Variants in VSTM4 observed in about 807,000 individuals in gnomAD.
VSTM4 encodes the protein V-set and transmembrane domain-containing protein 4.
VSTM4 carries 20 observed loss-of-function variants against 36.4 expected under a neutral mutation model. That is an observed-to-expected ratio of 0.55 (90% CI 0.39 to 0.80). The LOEUF is 0.80. Among genes scored for constraint, VSTM4 ranks in the 30% least tolerant of loss-of-function variants. The pLI is 0.00. For synonymous variants in VSTM4, 182 were observed against 173.9 expected, an observed-to-expected ratio of 1.05 and a Z score of -0.37; for missense variants, 392 against 404.5, an observed-to-expected ratio of 0.97 and a Z score of 0.26.
At chr10:49,022,142 CATTA>C (rs1419338545) in intron 7 of VSTM4, among the ~76,000 whole-genome samples, 4 of 151,660 alleles carry the variant, frequency 2.6e-5, no homozygotes, top group Non-Finnish European at 1.5e-5. Context: ...TTTAACAATG[CATTA>C]ATTAATTTTA....
chr10:49,089,315 A>AC (rs997817598), intron 2 of VSTM4, among the ~76,000 whole-genome samples: 1 of 151,960 alleles, frequency 6.6e-6, no homozygotes, highest in African/African-American at 2.4e-5. Flanking sequence ...TCTAACCTCC[A>AC]CCCCCGCCAA....
At chr10:49,023,581 C>CG (rs775497789) in intron 7 of VSTM4, among the ~76,000 whole-genome samples, 7 of 152,194 alleles carry the variant, frequency 4.6e-5, no homozygotes, top group Non-Finnish European at 8.8e-5. Context: ...CACAGCCTGA[C>CG]GAGGAGCCTG....
At chr10:49,108,284 G>A (rs1001144032) in intron 1 of VSTM4, among the ~76,000 whole-genome samples, 5 of 152,214 alleles carry the variant, frequency 3.3e-5, no homozygotes, top group Non-Finnish European at 5.9e-5. Context: ...AGTTGCTGAC[G>A]TTTAAAATTC....
intron 1 of VSTM4, among the ~76,000 whole-genome samples, chr10:49,113,901 G>C (rs1216374563): frequency 1.3e-5 from 2 of 152,180 alleles, no homozygotes; most frequent in African/African-American, 2.4e-5. Context: ...GGCACAGCCA[G>C]GGCAGACTCT....
intron 7 of VSTM4, among the ~76,000 whole-genome samples, chr10:49,023,125 C>A (rs553825745): frequency 1.3e-5 from 2 of 152,210 alleles, no homozygotes; most frequent in Non-Finnish European, 2.9e-5. Context: ...TGTGTAGAAT[C>A]ATTTCCCTTA....
intron 2 of VSTM4, among the ~76,000 whole-genome samples, chr10:49,091,831 C>T (rs1390552886): frequency 6.6e-6 from 1 of 152,226 alleles, no homozygotes; most frequent in Non-Finnish European, 1.5e-5. Context: ...CCCCTAATTC[C>T]TTTAACAAAG....
intron 7 of VSTM4, among the ~76,000 whole-genome samples, chr10:49,025,348 A>C (rs1843243974): frequency 6.6e-6 from 1 of 152,052 alleles, no homozygotes; most frequent in South Asian, 2.1e-4. Flanking sequence ...AGAATATACG[A>C]GATTAAGGCA....
At chr10:49,093,783 C>T (rs1053502836) in intron 2 of VSTM4, among the ~76,000 whole-genome samples, 9 of 117,018 alleles carry the variant, frequency 7.7e-5, no homozygotes, top group African/African-American at 2.0e-4. Flanking sequence ...AGTCTTGCTT[C>T]GTCGCCCAGG....
At chr10:49,044,080 C>T (rs949804838) in intron 7 of VSTM4, among the ~76,000 whole-genome samples, 5 of 152,184 alleles carry the variant, frequency 3.3e-5, no homozygotes, top group African/African-American at 1.2e-4. Flanking sequence ...GTAATCCCAA[C>T]ACTTTTGGAC....
intron 2 of VSTM4, 148 bp downstream of exon 2, chr10:49,107,446 C>T (rs1844802582): frequency 2.0e-6 from 2 of 1,001,722 alleles, no homozygotes; most frequent in Non-Finnish European, 2.9e-6. Context: ...CACCCCATGG[C>T]ATGACTCATG....
chr10:49,020,310 C>G (rs1323452383), intron 7 of VSTM4, among the ~76,000 whole-genome samples: 1 of 152,102 alleles, frequency 6.6e-6, no homozygotes, highest in African/African-American at 2.4e-5. Context: ...AAACCATGGC[C>G]TGAAATACTT....
chr10:49,093,472 T>C (rs1844514659), intron 2 of VSTM4, among the ~76,000 whole-genome samples: 1 of 152,142 alleles, frequency 6.6e-6, no homozygotes, highest in South Asian at 2.1e-4. Flanking sequence ...CAAGAAACAA[T>C]GATTTTTAAA....
intron 2 of VSTM4, among the ~76,000 whole-genome samples, chr10:49,096,050 C>T (rs1025908465): frequency 6.6e-6 from 1 of 152,168 alleles, no homozygotes; most frequent in Non-Finnish European, 1.5e-5. Context: ...AATTTGATTC[C>T]TTTGAGTGTC....
In VSTM4 at chr10:49,107,604, C is replaced by T. The variant is rs754173411; in HGVS notation, c.447G>A (p.Thr149=). Residue 149 remains threonine, a synonymous_variant, in exon 2 of 8, where the codon ACG becomes ACA. Coordinates refer to ENST00000332853, the MANE Select transcript of VSTM4 (RefSeq NM_001031746.5). ...GACCAAGACCCTCACCTCTCATTTC[C>T]GTGGCTGAGGAGCCATTGGACCAGG... ...WTAWSNGSSA[T]EMRVISLKAS... is the part of the protein sequence containing the mutation. 37 of 1,604,234 alleles carry T rather than the reference C, an allele frequency of 2.3e-5. No homozygotes were observed. Among genetic ancestry groups the T allele is most frequent in the South Asian group, 5.5e-5 (5 of 90,386 alleles).
At chr10:49,074,160 A>C (rs1033198842) in intron 4 of VSTM4, among the ~76,000 whole-genome samples, 5 of 152,226 alleles carry the variant, frequency 3.3e-5, no homozygotes, top group African/African-American at 1.2e-4. Context: ...TGAAATTCAC[A>C]CTGATTCAAA....
intron 7 of VSTM4, among the ~76,000 whole-genome samples, chr10:49,028,869 T>A (rs1276382679): frequency 1.3e-5 from 2 of 152,224 alleles, no homozygotes; most frequent in East Asian, 3.8e-4. Context: ...GTTAACGTCA[T>A]CTTAGAGTTT....
chr10:49,053,909 G>C (rs1843736683), intron 5 of VSTM4, among the ~76,000 whole-genome samples: 1 of 152,194 alleles, frequency 6.6e-6, no homozygotes, highest in Non-Finnish European at 1.5e-5. Flanking sequence ...CAGAACACCA[G>C]GCAAAGCAGC....
At chr10:49,072,587 A>T (rs183782127) in intron 4 of VSTM4, among the ~76,000 whole-genome samples, 1 of 152,238 alleles carries the variant, frequency 6.6e-6, no homozygotes, top group Non-Finnish European at 1.5e-5. Flanking sequence ...CCTCTTCCCT[A>T]AGTCTGGCCC....
intron 7 of VSTM4, among the ~76,000 whole-genome samples, chr10:49,033,500 AT>A (rs1257567550): frequency 2.6e-5 from 4 of 152,230 alleles, no homozygotes; most frequent in African/African-American, 9.6e-5. Context: ...TAGAGGAATA[AT>A]TTCACTTTCT....
Sources: allele counts gnomAD v4.1 joint callset (sites outside exome capture counted in the v4.1 genomes callset), GRCh38; gene constraint gnomAD v4.1.1; transcripts MANE v1.5; gene names NCBI Gene and HGNC (gene_info 2026-07-23, HGNC 2026-07-21).